Variants in RBMS3 observed in about 807,000 individuals in gnomAD.
RBMS3 encodes RNA binding motif single stranded interacting protein 3.
A neutral mutation model predicts 66.8 loss-of-function variants in RBMS3; 27 were observed. The observed-to-expected ratio is 0.40, with a 90% CI of 0.30 to 0.56. The LOEUF is 0.56. Ranked by LOEUF, RBMS3 falls within the 20% of genes least tolerant of loss-of-function variation. The probability of loss-of-function intolerance (pLI) is 0.40; values close to 1 mark genes in which losing one functional copy is unlikely to be tolerated. For missense variants in RBMS3, 513 were observed against 549.5 expected (o/e 0.93, Z 0.66); for synonymous variants, 188 against 183.0 (o/e 1.03, Z -0.22).
chr3:30,001,320 T>G (rs1699598226), intron 14 of RBMS3, among the ~76,000 whole-genome samples: 1 of 152,084 alleles, frequency 6.6e-6, no homozygotes, highest in Admixed American at 6.6e-5. Flanking sequence ...TATTGCTTCA[T>G]TTGGCTATCT....
chr3:29,940,845 C>T (rs1157555250), intron 11 of RBMS3, among the ~76,000 whole-genome samples: 6 of 151,550 alleles, frequency 4.0e-5, no homozygotes, highest in African/African-American at 1.5e-4. Context: ...CCTAGCTTTT[C>T]TACTTTTGTT....
intron 4 of RBMS3, among the ~76,000 whole-genome samples, chr3:29,629,461 C>T (rs1227136303): frequency 3.3e-5 from 5 of 152,092 alleles, no homozygotes; most frequent in Admixed American, 2.0e-4. Flanking sequence ...TTCAAACTGG[C>T]ATTTTCTCTG....
intron 6 of RBMS3, among the ~76,000 whole-genome samples, chr3:29,834,842 T>G (rs1388175107): frequency 6.6e-6 from 1 of 151,748 alleles, no homozygotes; most frequent in Non-Finnish European, 1.5e-5. Flanking sequence ...ATACACAGAG[T>G]GGCCAAATGG....
chr3:29,616,750 C>T (rs1045758032), intron 4 of RBMS3: 1 of 152,118 alleles, frequency 6.6e-6, no homozygotes, highest in African/African-American at 2.4e-5. Context: ...TCAGTATATT[C>T]TTTACATTCC....
At chr3:29,480,971 G>A (rs568865284) in intron 2 of RBMS3, among the ~76,000 whole-genome samples, 13 of 152,264 alleles carry the variant, frequency 8.5e-5, no homozygotes, top group African/African-American at 2.9e-4. Flanking sequence ...GAGCTGAGAG[G>A]CAACAAGTGT....
At chr3:29,624,613 A>G (rs1490654816) in intron 4 of RBMS3, among the ~76,000 whole-genome samples, 3 of 152,188 alleles carry the variant, frequency 2.0e-5, no homozygotes, top group Non-Finnish European at 2.9e-5. Flanking sequence ...AAAGAGCAAT[A>G]TAAGAAATTG....
At chr3:29,409,312 C>T (rs987741059) in intron 1 of RBMS3, among the ~76,000 whole-genome samples, 1 of 143,590 alleles carries the variant, frequency 7.0e-6, no homozygotes, top group African/African-American at 2.6e-5. Context: ...GTTGCGGCAC[C>T]TCAGTACTTC....
chr3:29,625,752 C>T (rs2049041927), intron 4 of RBMS3, among the ~76,000 whole-genome samples: 1 of 137,292 alleles, frequency 7.3e-6, no homozygotes, highest in East Asian at 2.9e-4. Flanking sequence ...ATAATCTTTT[C>T]TTGGTGAAGC....
chr3:29,902,333 T>TACTTCTCA (rs2060275023), intron 10 of RBMS3, among the ~76,000 whole-genome samples: 1 of 151,930 alleles, frequency 6.6e-6, no homozygotes, highest in South Asian at 2.1e-4. Flanking sequence ...CTCATTATGC[T>TACTTCTCA]TTAAATTATC....
rs1189836633 is a variant in RBMS3, at chr3:29,357,619, G to A, written c.75+75863G>A. ...TCTAGTTCTAGATCCCTGAGGAATT[G>A]CCACACTGACTTCCACAATGGTTGA... On this transcript the variant is annotated intron_variant, in intron 1 of 14. Transcript: ENST00000383767. 3.3e-5 allele frequency among the ~76,000 whole-genome samples: 5 copies of A among 152,264 alleles called. No homozygotes were observed. In the East Asian group the frequency reaches 5.8e-4, roughly 18 times the overall value.
intron 1 of RBMS3, among the ~76,000 whole-genome samples, chr3:29,339,245 C>T (rs535947046): frequency 6.6e-6 from 1 of 152,316 alleles, no homozygotes; most frequent in Admixed American, 6.5e-5. Context: ...ACTAAATTCA[C>T]TTCATTATCC....
chr3:29,604,551 C>A (rs1451103565), intron 4 of RBMS3, among the ~76,000 whole-genome samples: 1 of 151,946 alleles, frequency 6.6e-6, no homozygotes, highest in Non-Finnish European at 1.5e-5. Context: ...CAAGTTAATT[C>A]TCCTTCAGAG....
intron 6 of RBMS3, among the ~76,000 whole-genome samples, chr3:29,830,985 TA>T (rs1436288197): frequency 6.6e-6 from 1 of 152,178 alleles, no homozygotes; most frequent in Non-Finnish European, 1.5e-5. Context: ...TGATTTATAC[TA>T]AGTTAAAGCC....
chr3:29,314,904 A>G (rs1222602477), intron 1 of RBMS3, among the ~76,000 whole-genome samples: 1 of 151,642 alleles, frequency 6.6e-6, no homozygotes, highest in African/African-American at 2.4e-5. Context: ...AGTAGCTGGC[A>G]TGAGATCAGT....
rs539549433 is a variant in RBMS3, at chr3:29,764,913, A to C, written c.637+1924A>C. 1.2e-4 allele frequency among the ~76,000 whole-genome samples: 19 copies of C among 152,134 alleles called. No homozygotes were observed. In the South Asian group the frequency reaches 3.3e-3, roughly 27 times the overall value. On this transcript the variant is annotated intron_variant, in intron 6 of 14. Transcript: ENST00000383767. ...CACTCATTTTTATCTCCCGGGAACA[A>C]GAAAGACAAAATAATTATGTTCAGT...
intron 4 of RBMS3, among the ~76,000 whole-genome samples, chr3:29,593,659 T>A (rs9855332): frequency 5.3e-5 from 8 of 151,996 alleles, no homozygotes; most frequent in African/African-American, 1.9e-4. Context: ...CTATCATTTG[T>A]TTGTATCCCA....
chr3:29,595,436 A>G (rs1179501494), intron 4 of RBMS3, among the ~76,000 whole-genome samples: 6 of 151,830 alleles, frequency 4.0e-5, no homozygotes, highest in Non-Finnish European at 7.4e-5. Context: ...AAAGAAAAGA[A>G]ACATCAACAC....
intron 3 of RBMS3, among the ~76,000 whole-genome samples, chr3:29,506,001 T>G (rs1051301772): frequency 6.6e-6 from 1 of 151,926 alleles, no homozygotes; most frequent in African/African-American, 2.4e-5. Flanking sequence ...ACATTATAGA[T>G]AAAATCATGT....
intron 2 of RBMS3, among the ~76,000 whole-genome samples, chr3:29,443,175 C>T (rs1430554521): frequency 6.6e-6 from 1 of 151,962 alleles, no homozygotes; most frequent in Non-Finnish European, 1.5e-5. Context: ...GAATAGTGGT[C>T]CAAATAAAAA....
Sources: allele counts gnomAD v4.1 joint callset (sites outside exome capture counted in the v4.1 genomes callset), GRCh38; gene constraint gnomAD v4.1.1; transcripts MANE v1.5; gene names NCBI Gene and HGNC (gene_info 2026-07-23, HGNC 2026-07-21).